The following PIEZO2 variants were observed in gnomAD, a reference collection of about 807,000 sequenced individuals.
PIEZO2 encodes the protein piezo type mechanosensitive ion channel component 2, also known as piezo-type mechanosensitive ion channel component 2.
In PIEZO2, 172 loss-of-function variants were observed where a neutral mutation model predicts 337.3. That is an observed-to-expected ratio of 0.51 (90% confidence interval 0.45 to 0.58). The LOEUF is 0.58. PIEZO2 is among the 20% of genes least tolerant of loss of function. The pLI is 0.00. For synonymous variants in PIEZO2, 1,251 were observed against 1,228.5 expected (o/e 1.02, Z -0.38); for missense variants, 3,028 against 3,391.3 (o/e 0.89, Z 2.66).
Position 10,820,526 on chromosome 18 carries a change from A to G in PIEZO2, c.918-13252T>C, listed in dbSNP as rs533940202. ...TCAGTTTCATTTGTTCTTTTTGTCCATCAATTCTCTTTTATAAATTCCATT... is the reference window on the plus strand; with the variant it reads ...TCAGTTTCATTTGTTCTTTTTGTCCGTCAATTCTCTTTTATAAATTCCATT... On this transcript the variant is annotated intron_variant, in intron 7 of 55. Coordinates refer to ENST00000674853, the MANE Select transcript of PIEZO2 (RefSeq NM_001378183.1). Among the ~76,000 whole-genome samples the G allele has an allele frequency of 1.1e-3, 171 of 152,110 alleles. 1 individual carries two copies. The highest frequency in any genetic ancestry group is 3.9e-3 in the African/African-American group (160 of 41,506).
intron 2 of PIEZO2, among the ~76,000 whole-genome samples, chr18:11,041,157 TA>T (rs2037105315): frequency 6.6e-6 from 1 of 152,190 alleles, no homozygotes; most frequent in South Asian, 2.1e-4. Flanking sequence ...GTCTTCAAAT[TA>T]AACTGTTCTC....
At chr18:10,678,094 G>A (rs1159789123) in intron 52 of PIEZO2, among the ~76,000 whole-genome samples, 1 of 152,206 alleles carries the variant, frequency 6.6e-6, no homozygotes, top group African/African-American at 2.4e-5. Context: ...TTTTAAAACA[G>A]AGTTGAAGGT....
Position 11,011,983 on chromosome 18 carries a change from A to G in PIEZO2, c.161-32323T>C, listed in dbSNP as rs188651639. The stretch of plus-strand genomic sequence containing the variant: ...GCAAGAGAGCAAGATCCTAATTCTA[A>G]AAAGAATTTTTAAAAATATAAACAT... On this transcript the variant is annotated intron_variant, in intron 2 of 55. Coordinates refer to ENST00000674853, the MANE Select transcript of PIEZO2 (RefSeq NM_001378183.1). 1.4e-4 allele frequency among the ~76,000 whole-genome samples: 21 copies of G among 152,312 alleles called. No individual in the cohort carries two copies. In the East Asian group the frequency reaches 4.0e-3, roughly 29 times the overall value.
intron 12 of PIEZO2, among the ~76,000 whole-genome samples, chr18:10,796,230 C>T (rs1325336320): frequency 6.6e-6 from 1 of 151,746 alleles, no homozygotes; most frequent in Admixed American, 6.6e-5. Context: ...ATTAGCCGGG[C>T]GTGGTGGCAG....
chr18:10,964,516 T>C (rs1052797158), intron 3 of PIEZO2, among the ~76,000 whole-genome samples: 1 of 152,212 alleles, frequency 6.6e-6, no homozygotes, highest in African/African-American at 2.4e-5. Flanking sequence ...TCTACTAAAT[T>C]AGCAAAAGCT....
At chr18:11,066,635 T>C (rs1474429405) in intron 1 of PIEZO2, among the ~76,000 whole-genome samples, 2 of 152,266 alleles carry the variant, frequency 1.3e-5, no homozygotes, top group Non-Finnish European at 2.9e-5. Flanking sequence ...AGTTTTGCCC[T>C]GTTGCCTAGG....
chr18:10,726,427 G>A lies in PIEZO2; in HGVS notation c.5029+4980C>T, dbSNP rs1306815447. On this transcript the variant is annotated intron_variant, in intron 36 of 55. Transcript: ENST00000674853. This position sits in a 1 kb window ranked among gnomAD's most constrained non-coding sequence, Gnocchi z 5.9. The stretch of plus-strand genomic sequence containing the variant: ...CAGCCGTGGCACAACGCGGAGGGCC[G>A]GCTGCGGTACGGGCTACGGCCGGCG... 1 of 1,530,118 alleles carries A rather than the reference G, an allele frequency of 6.5e-7. No homozygotes were observed. The highest frequency in any genetic ancestry group is 2.0e-5 in the Admixed American group (1 of 50,542). 94.8% of individuals were successfully genotyped at this position (1,530,118 alleles called of 1,614,324 possible).
chr18:10,718,981 A>T (rs1357410852), intron 36 of PIEZO2, among the ~76,000 whole-genome samples: 1 of 118,288 alleles, frequency 8.5e-6, no homozygotes, highest in African/African-American at 3.3e-5. Context: ...CTTGTCTAAA[A>T]TAAATAAATA....
intron 2 of PIEZO2, among the ~76,000 whole-genome samples, chr18:10,998,861 C>CA (rs10544415): frequency 0.079 from 9,327 of 118,714 alleles, 535 homozygotes; most frequent in African/African-American, 0.18. Flanking sequence ...TCAAATACAG[C>CA]AAAAAAAAAA....
Position 10,773,969 on chromosome 18 carries a change from T to G in PIEZO2, c.2567+37A>C, listed in dbSNP as rs776550818. On this transcript the variant is annotated intron_variant, in intron 19 of 55. Coordinates refer to ENST00000674853, the MANE Select transcript of PIEZO2 (RefSeq NM_001378183.1). The surrounding 1 kb of genome is among the most constrained non-coding windows in gnomAD (Gnocchi z 5.3). ...TGTAGAAGCATGAAATGGCATCATG[T>G]AGAGCAAGCATTTCATGGCTTCACA... 1.3e-5 allele frequency: 9 copies of G among 702,812 alleles called. No homozygotes were observed. The highest frequency in any genetic ancestry group is 8.0e-5 in the Admixed American group (4 of 49,968). 43.5% of individuals were successfully genotyped at this position (702,812 alleles called of 1,614,324 possible). A position where few individuals can be genotyped will look rare whatever the true frequency, so the allele number is the denominator to read the frequency against.
Position 11,018,594 on chromosome 18 carries a change from G to T in PIEZO2, c.161-38934C>A, listed in dbSNP as rs2036206354. On this transcript the variant is annotated intron_variant, in intron 2 of 55. Coordinates refer to ENST00000674853, the MANE Select transcript of PIEZO2 (RefSeq NM_001378183.1). The stretch of plus-strand genomic sequence containing the variant: ...CGCCAGCAGCCACTGAACGGTGGGT[G>T]ACACTACTGTGAACACACATGTATG... 3.3e-5 allele frequency among the ~76,000 whole-genome samples: 5 copies of T among 152,118 alleles called. No individual in the cohort carries two copies. In the South Asian group the frequency reaches 1.0e-3, roughly 32 times the overall value.
In PIEZO2 at chr18:10,770,309, C is replaced by G; in HGVS notation, c.2786-1G>C. 1 of 1,535,784 alleles carries G rather than the reference C, an allele frequency of 6.5e-7. No individual in the cohort carries two copies. Among genetic ancestry groups the G allele is most frequent in the Non-Finnish European group, 8.7e-7 (1 of 1,146,232 alleles). ...ACCAGGTGCCATTTGTTCCTTAAGT[C>G]TGCAAAATAGGAAGTACAGACAAGA... On this transcript the variant is annotated splice_acceptor_variant, in intron 20 of 55. Coordinates refer to ENST00000674853, the MANE Select transcript of PIEZO2 (RefSeq NM_001378183.1). LOFTEE classifies it high-confidence loss of function.
chr18:11,108,589 G>A (rs2039641874), intron 1 of PIEZO2, among the ~76,000 whole-genome samples: 1 of 135,262 alleles, frequency 7.4e-6, no homozygotes, highest in Non-Finnish European at 1.5e-5. Flanking sequence ...ACTCCAGCCT[G>A]GGCAACAGAG....
At chr18:10,959,603 C>T (rs1348555929) in intron 3 of PIEZO2, among the ~76,000 whole-genome samples, 1 of 152,146 alleles carries the variant, frequency 6.6e-6, no homozygotes, top group Non-Finnish European at 1.5e-5. Context: ...TGTATGCCAA[C>T]ACCTGGTATG....
At chr18:11,136,984 T>C (rs1043665807) in intron 1 of PIEZO2, among the ~76,000 whole-genome samples, 1 of 152,210 alleles carries the variant, frequency 6.6e-6, no homozygotes, top group Non-Finnish European at 1.5e-5. Flanking sequence ...TTTAAAGGCA[T>C]GTCTAGTAAT....
At chr18:10,774,482 GT>G (rs1485471815) in intron 18 of PIEZO2, among the ~76,000 whole-genome samples, 1 of 152,142 alleles carries the variant, frequency 6.6e-6, no homozygotes, top group Non-Finnish European at 1.5e-5. Context: ...GTTTTCAGGA[GT>G]GAGACGTCTG....
At chr18:11,039,449 C>T (rs1028717226) in intron 2 of PIEZO2, among the ~76,000 whole-genome samples, 2 of 152,148 alleles carry the variant, frequency 1.3e-5, no homozygotes, top group Non-Finnish European at 2.9e-5. Flanking sequence ...TTTTATTATG[C>T]TCCATTTTCT....
rs575718635 is a variant in PIEZO2, at chr18:11,013,494, A to G, written c.161-33834T>C. Among the ~76,000 whole-genome samples, 5 of 152,376 alleles carry G rather than the reference A, an allele frequency of 3.3e-5. No homozygotes were observed. In the South Asian group the frequency reaches 1.0e-3, roughly 32 times the overall value. On this transcript the variant is annotated intron_variant, in intron 2 of 55. Transcript: ENST00000674853. ...TTTATTACACCAGCAATAGGAAAGT[A>G]ATACAATAAAGATTTATCAACACTT...
Position 11,032,466 on chromosome 18 carries a change from T to G in PIEZO2, c.160+33661A>C, listed in dbSNP as rs983252488. On this transcript the variant is annotated intron_variant, in intron 2 of 55. Transcript: ENST00000674853. The surrounding 1 kb of genome is among the most constrained non-coding windows in gnomAD (Gnocchi z 4.9). ...GCTCTATTAGAATACGGAGCTATTC[T>G]TGGCATGCTCTCGAGTAAGTGTAAA... 1.3e-5 allele frequency among the ~76,000 whole-genome samples: 2 copies of G among 152,224 alleles called. No homozygotes were observed. The highest frequency in any genetic ancestry group is 1.3e-4 in the Admixed American group (2 of 15,282).
Sources: allele counts gnomAD v4.1 joint callset (sites outside exome capture counted in the v4.1 genomes callset), GRCh38; gene constraint gnomAD v4.1.1; non-coding constraint Gnocchi (gnomAD v3.1); transcripts MANE v1.5; gene names NCBI Gene and HGNC (gene_info 2026-07-23, HGNC 2026-07-21).